FBLN1: variants seen among roughly 807,000 people sequenced by gnomAD.
FBLN1 encodes fibulin 1.
Under a neutral mutation model 89.7 loss-of-function variants are expected in FBLN1, and 34 were observed. That is an observed-to-expected ratio of 0.38 (90% CI 0.29 to 0.50). The LOEUF (loss-of-function observed/expected upper bound fraction) is 0.50. FBLN1 is among the 20% of genes least tolerant of loss of function. The probability of loss-of-function intolerance (pLI) is 0.92; values close to 1 mark genes in which losing one functional copy is unlikely to be tolerated. For missense variants in FBLN1, 777 were observed against 988.1 expected (o/e 0.79, Z 2.86); for synonymous variants, 393 against 391.3 (o/e 1.00, Z -0.05).
chr22:45,573,523 C>CA (rs1225386911), intron 14 of FBLN1, among the ~76,000 whole-genome samples: 3 of 149,896 alleles, frequency 2.0e-5, no homozygotes, highest in Non-Finnish European at 3.0e-5. Context: ...AAAAAAAATA[C>CA]AAAAAAAATT....
rs1298912670 is a variant in FBLN1, at chr22:45,545,608, G to A, written c.1322-1477G>A. On this transcript the variant is annotated intron_variant, in intron 11 of 16. Transcript: ENST00000327858. This position sits in a 1 kb window ranked among gnomAD's most constrained non-coding sequence, Gnocchi z 5.9. ...TAACCATTTGTTAGGGTCCTGCCCC[G>A]GGTGTGTAGCAAGAACTCGGTCCTG... Among the ~76,000 whole-genome samples the A allele has an allele frequency of 2.0e-5, 3 of 152,134 alleles. No individual in the cohort carries two copies. The highest frequency in any genetic ancestry group is 7.2e-5 in the African/African-American group (3 of 41,428).
At position 45,588,520 on chromosome 22, in the gene FBLN1, G is replaced by C. The variant is rs977607949; in HGVS notation, c.1972+11412G>C. On this transcript the variant is annotated intron_variant, in intron 16 of 16. Coordinates refer to ENST00000327858, the MANE Select transcript of FBLN1 (RefSeq NM_006486.3). This position sits in a 1 kb window ranked among gnomAD's most constrained non-coding sequence, Gnocchi z 5.1. Reference sequence around the variant, plus strand: ...TGTCCTTGCTTCTTATACACACACAGAACAGATGCACCCACTGGGGTCACC... The same window carrying C: ...TGTCCTTGCTTCTTATACACACACACAACAGATGCACCCACTGGGGTCACC... Among the ~76,000 whole-genome samples, 7 of 152,082 alleles carry C rather than the reference G, an allele frequency of 4.6e-5. No homozygotes were observed. Among genetic ancestry groups the C allele is most frequent in the Admixed American group, 3.9e-4 (6 of 15,266 alleles).
chr22:45,540,436 G>A (rs998056483), intron 8 of FBLN1, among the ~76,000 whole-genome samples: 1 of 152,154 alleles, frequency 6.6e-6, no homozygotes, highest in East Asian at 1.9e-4. Flanking sequence ...GCAGGGAGAG[G>A]GGTACAGCTG....
At chr22:45,509,542 C>CACG (rs149479464) in intron 1 of FBLN1, among the ~76,000 whole-genome samples, 3,699 of 152,218 alleles carry the variant, frequency 0.024, 135 homozygotes, top group African/African-American at 0.085. Flanking sequence ...GAAGAGGGGA[C>CACG]ACGAGTCTGT....
chr22:45,542,264 C>T lies in FBLN1; in HGVS notation c.1176C>T (p.Gly392=), dbSNP rs2088566537. The change falls in exon 10 of 17, where the codon GGC becomes GGT. Residue 392 remains glycine, a synonymous_variant. Coordinates refer to ENST00000327858, the MANE Select transcript of FBLN1 (RefSeq NM_006486.3). ...GCAAGACGGGTTACTATTTTGACGG[C>T]ATCAGCAGGATGTGTGTCGGTGCGT... ...CECKTGYYFD[G]ISRMCVDVNE... The T allele has an allele frequency of 6.2e-7, 1 of 1,614,040 alleles. No individual in the cohort carries two copies. Among genetic ancestry groups the T allele is most frequent in the Non-Finnish European group, 8.5e-7 (1 of 1,180,050 alleles).
rs1052250596 is a variant in FBLN1, at chr22:45,563,893, G to C, written c.1698-10618G>C. 2.0e-5 allele frequency among the ~76,000 whole-genome samples: 3 copies of C among 152,218 alleles called. No individual in the cohort carries two copies. Among genetic ancestry groups the C allele is most frequent in the Admixed American group, 6.5e-5 (1 of 15,290 alleles). The stretch of plus-strand genomic sequence containing the variant: ...GCCCAAATCTGTGGTGCAGAAACAC[G>C]GGATGCGGTTGCGGCTCCTAGGATG... On this transcript the variant is annotated intron_variant, in intron 14 of 16. Coordinates refer to ENST00000327858, the MANE Select transcript of FBLN1 (RefSeq NM_006486.3). This position sits in a 1 kb window ranked among gnomAD's most constrained non-coding sequence, Gnocchi z 5.7.
intron 11 of FBLN1, 109 bp downstream of exon 11, chr22:45,543,635 A>G (rs2088588402): frequency 7.2e-7 from 1 of 1,386,750 alleles, no homozygotes; most frequent in Non-Finnish European, 9.9e-7. Flanking sequence ...TCCCTGTTAA[A>G]TGACATGTTA....
Position 45,576,365 on chromosome 22 carries a change from A to G in FBLN1, c.1841-612A>G, listed in dbSNP as rs1032369345. Among the ~76,000 whole-genome samples the G allele has an allele frequency of 6.6e-6, 1 of 151,954 alleles. No individual in the cohort carries two copies. The highest frequency in any genetic ancestry group is 3.2e-3 in the Middle Eastern group (1 of 316). On this transcript the variant is annotated intron_variant, in intron 15 of 16. Transcript: ENST00000327858. The surrounding 1 kb of genome is among the most constrained non-coding windows in gnomAD (Gnocchi z 5.2). ...AGCATCTTGGGCCCAGGAAATCCAC[A>G]CCCTGACCTTAAGTGCTGAAAGGAC... is the stretch of plus-strand genomic sequence containing the variant.
intron 6 of FBLN1, 151 bp downstream of exon 6, chr22:45,533,315 G>C: frequency 1.3e-6 from 1 of 749,280 alleles, no homozygotes. Context: ...GTGTTCGCTG[G>C]AGTTTGCAGC....
intron 16 of FBLN1, among the ~76,000 whole-genome samples, chr22:45,594,261 T>C (rs1305155895): frequency 1.3e-5 from 2 of 152,138 alleles, no homozygotes; most frequent in Non-Finnish European, 1.5e-5. Flanking sequence ...AACAGTGGTG[T>C]AGAATTCGTG....
chr22:45,551,828 C>T (rs2088705975), intron 14 of FBLN1, among the ~76,000 whole-genome samples: 1 of 152,240 alleles, frequency 6.6e-6, no homozygotes, highest in Non-Finnish European at 1.5e-5. Flanking sequence ...AGTTCACTCT[C>T]TCCCCAGCCT....
At chr22:45,543,243 G>T (rs2088581123) in intron 10 of FBLN1, among the ~76,000 whole-genome samples, 158 bp from the exon 11 acceptor site, 1 of 152,144 alleles carries the variant, frequency 6.6e-6, no homozygotes. Flanking sequence ...TCCAGCCTAG[G>T]AGACAGAGCG....
In FBLN1 at chr22:45,574,526, G is replaced by A. The variant is rs761087402; in HGVS notation, c.1713G>A (p.Lys571=). 28 of 1,614,044 alleles carry A rather than the reference G, an allele frequency of 1.7e-5. No individual in the cohort carries two copies. The highest frequency in any genetic ancestry group is 2.1e-5 in the Non-Finnish European group (25 of 1,180,054). The change falls in exon 15 of 17, where the codon AAG becomes AAA. Residue 571 remains lysine, a synonymous_variant. Coordinates refer to ENST00000327858, the MANE Select transcript of FBLN1 (RefSeq NM_006486.3). This position sits in a 1 kb window ranked among gnomAD's most constrained non-coding sequence, Gnocchi z 4.1. ...RRSAATLQQE[K]TDTVRCIKSC... is the part of the protein sequence containing the mutation. The stretch of plus-strand genomic sequence containing the variant: ...TTCCCCTCAGGCTCCAGCAGGAGAA[G>A]ACAGACACGGTCCGCTGCATCAAGT...
rs2088691720 is a variant in FBLN1, at chr22:45,550,743, G to T, written c.1697+128G>T. On this transcript the variant is annotated intron_variant, in intron 14 of 16. Coordinates refer to ENST00000327858, the MANE Select transcript of FBLN1 (RefSeq NM_006486.3). The surrounding 1 kb of genome is among the most constrained non-coding windows in gnomAD (Gnocchi z 8.4). ...CCATGAGGGACTCAGGGCACTCAAA[G>T]ATCACCTGATCCCTGGCCCTCAAGC... The T allele has an allele frequency of 3.8e-6, 5 of 1,331,218 alleles. No homozygotes were observed. The highest frequency in any genetic ancestry group is 2.3e-5 in the East Asian group (1 of 43,498). The allele number at this position is 1,331,218 out of a possible 1,614,324, so 82.5% of individuals were successfully genotyped here. A position where few individuals can be genotyped will look rare whatever the true frequency, so the allele number is the denominator to read the frequency against.
At chr22:45,542,020 T>A (rs1192140993) in intron 9 of FBLN1, 135 bp from the exon 10 acceptor site, 2 of 1,339,540 alleles carry the variant, frequency 1.5e-6, no homozygotes, top group East Asian at 2.3e-5. Flanking sequence ...CAGTAGGTGC[T>A]CTGTGAAGTC....
rs541481460 is a variant in FBLN1, at chr22:45,565,323, C to A, written c.1698-9188C>A. 6 of 1,253,178 alleles carry A rather than the reference C, an allele frequency of 4.8e-6. No individual in the cohort carries two copies. In the South Asian group the frequency reaches 8.5e-5, roughly 18 times the overall value. 77.6% of individuals were successfully genotyped at this position (1,253,178 alleles called of 1,614,324 possible). A position where few individuals can be genotyped will look rare whatever the true frequency, so the allele number is the denominator to read the frequency against. On this transcript the variant is annotated intron_variant, in intron 14 of 16. Coordinates refer to ENST00000327858, the MANE Select transcript of FBLN1 (RefSeq NM_006486.3). Reference sequence around the variant, plus strand: ...TGGCCTGATCTGGCCTCTGCCCACCCTTTGAGCTGCACCTGCCCCACCCCA... The same window carrying A: ...TGGCCTGATCTGGCCTCTGCCCACCATTTGAGCTGCACCTGCCCCACCCCA...
chr22:45,592,980 C>T (rs1289610347), intron 16 of FBLN1, among the ~76,000 whole-genome samples: 2 of 152,176 alleles, frequency 1.3e-5, no homozygotes, highest in African/African-American at 4.8e-5. Flanking sequence ...CTCCATTACA[C>T]GTTGTCAGCT....
chr22:45,580,023 G>A lies in FBLN1; in HGVS notation c.1972+2915G>A, dbSNP rs955906235. Among the ~76,000 whole-genome samples, 9 of 152,054 alleles carry A rather than the reference G, an allele frequency of 5.9e-5. No homozygotes were observed. Among genetic ancestry groups the A allele is most frequent in the Admixed American group, 2.0e-4 (3 of 15,254 alleles). ...ACCGTTGCTGGGCACCTTCACCCCC[G>A]CATTCCCCAGTCCTCACAGACACTG... On this transcript the variant is annotated intron_variant, in intron 16 of 16. Transcript: ENST00000327858. This position sits in a 1 kb window ranked among gnomAD's most constrained non-coding sequence, Gnocchi z 8.6.
rs1166748895 is a variant in FBLN1 at position 45,597,272 on chromosome 22, A to T, written c.1973-3035A>T. Among the ~76,000 whole-genome samples, 1 of 152,160 alleles carries T rather than the reference A, an allele frequency of 6.6e-6. No homozygotes were observed. Among genetic ancestry groups the T allele is most frequent in the East Asian group, 1.9e-4 (1 of 5,200 alleles). On this transcript the variant is annotated intron_variant, in intron 16 of 16. Coordinates refer to ENST00000327858, the MANE Select transcript of FBLN1 (RefSeq NM_006486.3). This position sits in a 1 kb window ranked among gnomAD's most constrained non-coding sequence, Gnocchi z 4.2. ...CGCCTAAGCCTCCCAAAGTGCTGGG[A>T]TTACAAGCGTGAGCCACTGCACCCA... is the stretch of plus-strand genomic sequence containing the variant.
Sources: allele counts gnomAD v4.1 joint callset (sites outside exome capture counted in the v4.1 genomes callset), GRCh38; gene constraint gnomAD v4.1.1; non-coding constraint Gnocchi (gnomAD v3.1); transcripts MANE v1.5; gene names NCBI Gene and HGNC (gene_info 2026-07-23, HGNC 2026-07-21).